Variants in GTF2F2 observed in about 807,000 individuals in gnomAD.
GTF2F2 encodes general transcription factor IIF subunit 2, also known as ATP-dependent helicase GTF2F2.
A neutral mutation model predicts 42.2 loss-of-function variants in GTF2F2; 23 were observed. The ratio of observed to expected loss-of-function variants is 0.55; its 90% CI spans 0.39 to 0.77. The LOEUF (loss-of-function observed/expected upper bound fraction) is 0.77, where lower values mean the gene tolerates loss of function less well. Among genes scored for constraint, GTF2F2 ranks in the 30% least tolerant of loss-of-function variants. The pLI is 0.00. For synonymous variants in GTF2F2, 105 were observed against 100.8 expected, an observed-to-expected ratio of 1.04 and a Z score of -0.25; for missense variants, 261 against 287.2, an observed-to-expected ratio of 0.91 and a Z score of 0.66.
Position 45,278,297 on chromosome 13 carries a change from A to G in GTF2F2, c.631-5145A>G, listed in dbSNP as rs79631791. ...GTTTTAACTTGACCCACAAATGCAAACAAACATCCTAATCACTTGACCTCT... is the reference window on the plus strand; with the variant it reads ...GTTTTAACTTGACCCACAAATGCAAGCAAACATCCTAATCACTTGACCTCT... On this transcript the variant is annotated intron_variant, in intron 7 of 7. Coordinates refer to ENST00000340473, the MANE Select transcript of GTF2F2 (RefSeq NM_004128.3). 3.6e-3 allele frequency among the ~76,000 whole-genome samples: 542 copies of G among 152,310 alleles called. 1 individual carries two copies. The highest frequency in any genetic ancestry group is 0.012 in the African/African-American group (513 of 41,584).
chr13:45,273,781 A>C (rs1876906877), intron 7 of GTF2F2, among the ~76,000 whole-genome samples: 2 of 150,968 alleles, frequency 1.3e-5, no homozygotes, highest in South Asian at 4.2e-4. Context: ...CAGCCTCCTG[A>C]GTAGCTGGGA....
At chr13:45,176,915 A>G (rs1158504656) in intron 4 of GTF2F2, among the ~76,000 whole-genome samples, 1 of 151,980 alleles carries the variant, frequency 6.6e-6, no homozygotes, top group Non-Finnish European at 1.5e-5. Context: ...CCTCCCGAGT[A>G]GCCGGGATTA....
At chr13:45,200,088 T>C (rs1425525581) in intron 4 of GTF2F2, among the ~76,000 whole-genome samples, 1 of 152,150 alleles carries the variant, frequency 6.6e-6, no homozygotes, top group African/African-American at 2.4e-5. Context: ...TTAGCAGCAG[T>C]ATTTTGTCTT....
chr13:45,171,168 C>T lies in GTF2F2; in HGVS notation c.304+19337C>T, dbSNP rs901641845. The stretch of plus-strand genomic sequence containing the variant: ...TCTTGGCTCACTGCAACCTCCGCCT[C>T]CCAGGTTCAAGCGATTCTCCTGCCT... On this transcript the variant is annotated intron_variant, in intron 4 of 7. Coordinates refer to ENST00000340473, the MANE Select transcript of GTF2F2 (RefSeq NM_004128.3). Among the ~76,000 whole-genome samples the T allele has an allele frequency of 2.0e-5, 3 of 150,624 alleles. No individual in the cohort carries two copies. The East Asian group carries it at 5.8e-4, about 29-fold the overall frequency.
At chr13:45,197,543 C>T (rs1025555098) in intron 4 of GTF2F2, among the ~76,000 whole-genome samples, 5 of 151,342 alleles carry the variant, frequency 3.3e-5, no homozygotes, top group African/African-American at 7.3e-5. Context: ...CAGTAGGCCC[C>T]GCTGTATGCC....
intron 5 of GTF2F2, among the ~76,000 whole-genome samples, chr13:45,240,997 G>GA (rs1459974767): frequency 2.2e-5 from 3 of 138,290 alleles, no homozygotes; most frequent in Non-Finnish European, 4.7e-5. Context: ...AAAAAAATTA[G>GA]AAAAAATTAG....
intron 4 of GTF2F2, among the ~76,000 whole-genome samples, chr13:45,160,035 T>TTACCTTATC (rs1870959396): frequency 6.6e-6 from 1 of 152,236 alleles, no homozygotes. Flanking sequence ...GAGGCTTTAT[T>TTACCTTATC]TACCTTATCT....
intron 1 of GTF2F2, 88 bp downstream of exon 1, chr13:45,120,809 A>G (rs920746295): frequency 1.2e-5 from 11 of 949,430 alleles, no homozygotes; most frequent in Middle Eastern, 4.2e-4. Context: ...TGCGCCTCTT[A>G]AAGTTCTTTT....
At chr13:45,146,902 A>T (rs111624172) in intron 2 of GTF2F2, among the ~76,000 whole-genome samples, 1 of 152,224 alleles carries the variant, frequency 6.6e-6, no homozygotes, top group African/African-American at 2.4e-5. Flanking sequence ...TATAGTTGTA[A>T]TGTAGAATAA....
chr13:45,188,688 A>G (rs946100515), intron 4 of GTF2F2, among the ~76,000 whole-genome samples: 1 of 152,184 alleles, frequency 6.6e-6, no homozygotes, highest in Non-Finnish European at 1.5e-5. Flanking sequence ...GCTTATAATC[A>G]TGTAAGCAAG....
intron 5 of GTF2F2, among the ~76,000 whole-genome samples, chr13:45,208,193 C>T (rs1370646545): frequency 6.6e-6 from 1 of 151,746 alleles, no homozygotes; most frequent in African/African-American, 2.4e-5. Flanking sequence ...TTCTCTTGAT[C>T]TATAGAGAAA....
chr13:45,262,698 T>G (rs1876395160), intron 6 of GTF2F2, among the ~76,000 whole-genome samples: 1 of 152,064 alleles, frequency 6.6e-6, no homozygotes, highest in Non-Finnish European at 1.5e-5. Flanking sequence ...AGATAACAGG[T>G]GTGAGCCACT....
intron 6 of GTF2F2, among the ~76,000 whole-genome samples, chr13:45,264,736 A>G (rs1876493626): frequency 6.6e-6 from 1 of 152,186 alleles, no homozygotes; most frequent in Non-Finnish European, 1.5e-5. Flanking sequence ...CTTGCATCTG[A>G]CATGTGACTC....
At chr13:45,145,148 A>G (rs1870131594) in intron 2 of GTF2F2, among the ~76,000 whole-genome samples, 1 of 152,228 alleles carries the variant, frequency 6.6e-6, no homozygotes, top group East Asian at 1.9e-4. Flanking sequence ...TCATCCAGCA[A>G]TTCTGTAAAT....
intron 4 of GTF2F2, among the ~76,000 whole-genome samples, chr13:45,191,224 A>AAAAAAATATATATATATAT: frequency 2.7e-5 from 2 of 75,314 alleles, no homozygotes; most frequent in East Asian, 3.0e-4. Flanking sequence ...ACAAAAAAAA[A>AAAAAAATATATATATATAT]ATATATATAT....
intron 7 of GTF2F2, among the ~76,000 whole-genome samples, chr13:45,281,750 TC>T (rs1244992098): frequency 1.3e-5 from 2 of 152,262 alleles, no homozygotes; most frequent in Admixed American, 6.5e-5. Context: ...CAGCCATTTT[TC>T]TTATTAATGC....
rs577567504 is a variant in GTF2F2, at chr13:45,260,470, G to A, written c.487-6763G>A. The stretch of plus-strand genomic sequence containing the variant: ...GGGGAGGGGGAATAATATCTCATAA[G>A]GATTTAACATGCAGAACCATGATAT... On this transcript the variant is annotated intron_variant, in intron 6 of 7. Transcript: ENST00000340473. Among the ~76,000 whole-genome samples, 138 of 152,234 alleles carry A rather than the reference G, an allele frequency of 9.1e-4. 1 individual carries two copies. The highest frequency in any genetic ancestry group is 3.2e-3 in the African/African-American group (132 of 41,550).
intron 7 of GTF2F2, among the ~76,000 whole-genome samples, chr13:45,272,483 G>A (rs1876841162): frequency 6.8e-6 from 1 of 148,036 alleles, no homozygotes; most frequent in African/African-American, 2.5e-5. Flanking sequence ...TGGTTCACGT[G>A]AGTAATCCCA....
At chr13:45,138,282 G>A (rs1869738616) in intron 2 of GTF2F2, among the ~76,000 whole-genome samples, 1 of 152,080 alleles carries the variant, frequency 6.6e-6, no homozygotes, top group Non-Finnish European at 1.5e-5. Context: ...TAAGTACCAG[G>A]TGGTATTTAA....
Sources: gnomAD v4.1 joint callset for allele counts (sites outside exome capture counted in the v4.1 genomes callset) on GRCh38, gnomAD v4.1.1 for gene constraint, MANE v1.5 for transcripts, NCBI Gene and HGNC (gene_info 2026-07-23, HGNC 2026-07-21) for gene names.